Variants in WFDC1 observed in about 807,000 individuals in gnomAD.
WFDC1 encodes the protein WAP four-disulfide core domain 1.
In WFDC1, 39 loss-of-function variants were observed where a neutral mutation model predicts 32.9. That is an observed-to-expected ratio of 1.19 (90% confidence interval 0.92 to 1.55). WFDC1 has a LOEUF of 1.55. WFDC1 is among the 40% of genes most tolerant of loss of function. The pLI is 0.00. For missense variants in WFDC1, 386 were observed against 309.5 expected, an observed-to-expected ratio of 1.25 and a Z score of -1.85; for synonymous variants, 184 against 137.4, an observed-to-expected ratio of 1.34 and a Z score of -2.37.
chr16:84,310,081 C>T (rs1319017126), intron 1 of WFDC1, among the ~76,000 whole-genome samples: 2 of 151,980 alleles, frequency 1.3e-5, no homozygotes, highest in African/African-American at 2.4e-5. Context: ...ACTGTATGTG[C>T]AGGAGGAGAC....
chr16:84,299,884 C>A (rs912520077), intron 1 of WFDC1, among the ~76,000 whole-genome samples: 15 of 152,032 alleles, frequency 9.9e-5, no homozygotes, highest in African/African-American at 3.6e-4. Context: ...TGCATCCTGC[C>A]AGACGGGGGG....
At position 84,295,094 on chromosome 16, in the gene WFDC1, G is replaced by T. The variant is rs570586050; in HGVS notation, c.123G>T (p.Ala41=). The T allele has an allele frequency of 1.2e-6, 2 of 1,614,084 alleles. No homozygotes were observed. Among genetic ancestry groups the T allele is most frequent in the Non-Finnish European group, 1.7e-6 (2 of 1,179,966 alleles). The change falls in exon 1 of 7, where the codon GCG becomes GCT. Residue 41 remains alanine, a synonymous_variant. Transcript: ENST00000219454. ...AKNIWKRALP[A]RLAEKSRAEE... ...ATATCTGGAAACGGGCATTGCCTGC[G>T]AGGCTGGCCGAGAAATCCCGTGTAA...
chr16:84,319,325 A>G, intron 3 of WFDC1, 106 bp from the exon 4 acceptor site: 1 of 1,470,358 alleles, frequency 6.8e-7, no homozygotes, highest in Non-Finnish European at 9.1e-7. Context: ...TCTCTGGGTG[A>G]GGTGCGTTCC....
chr16:84,299,783 A>C (rs1304585878), intron 1 of WFDC1, among the ~76,000 whole-genome samples: 1 of 152,200 alleles, frequency 6.6e-6, no homozygotes, highest in Non-Finnish European at 1.5e-5. Flanking sequence ...ATGGTGGTTC[A>C]GTTTGCACCC....
At chr16:84,319,706 T>C (rs1908193844) in intron 4 of WFDC1, 135 bp downstream of exon 4, 7 of 1,179,516 alleles carry the variant, frequency 5.9e-6, no homozygotes, top group African/African-American at 1.5e-5. Context: ...GCTCCTCACA[T>C]CTTCCCCCTG....
At chr16:84,317,823 A>G (rs1266455726) in intron 2 of WFDC1, 1 of 177,808 alleles carries the variant, frequency 5.6e-6, no homozygotes, top group East Asian at 1.3e-4. Context: ...TAGTGCAGAG[A>G]CAGACATTTG....
In WFDC1 at chr16:84,318,163, C is replaced by T; in HGVS notation, c.338-109C>T. On this transcript the variant is annotated intron_variant, in intron 2 of 6. Transcript: ENST00000219454. ...GTGCCAGGAACCATAGTTATTTCTCCCATGGGGAGCCTCTGTGCTGTCATG... is the reference window on the plus strand; with the variant it reads ...GTGCCAGGAACCATAGTTATTTCTCTCATGGGGAGCCTCTGTGCTGTCATG... The T allele has an allele frequency of 6.3e-6, 6 of 948,972 alleles. No homozygotes were observed. The South Asian group carries it at 6.9e-5, about 11-fold the overall frequency. The allele number at this position is 948,972 out of a possible 1,614,324, so 58.8% of individuals were successfully genotyped here. A position where few individuals can be genotyped will look rare whatever the true frequency, so the allele number is the denominator to read the frequency against.
At chr16:84,307,578 A>C (rs1907338815) in intron 1 of WFDC1, among the ~76,000 whole-genome samples, 1 of 152,182 alleles carries the variant, frequency 6.6e-6, no homozygotes, top group South Asian at 2.1e-4. Context: ...ACTGCCATTA[A>C]GGAAGTCCCA....
intron 1 of WFDC1, among the ~76,000 whole-genome samples, chr16:84,311,040 C>CTG (rs1458724550): frequency 3.9e-5 from 6 of 152,044 alleles, no homozygotes; most frequent in African/African-American, 9.7e-5. Context: ...GTATCTAACT[C>CTG]TGTGTGTGTG....
chr16:84,304,165 G>A (rs1019555780), intron 1 of WFDC1, among the ~76,000 whole-genome samples: 1 of 152,154 alleles, frequency 6.6e-6, no homozygotes, highest in African/African-American at 2.4e-5. Context: ...CCCAAAATGG[G>A]CATTTCCCCA....
intron 1 of WFDC1, among the ~76,000 whole-genome samples, chr16:84,298,960 C>T (rs1489089513): frequency 3.3e-5 from 5 of 152,192 alleles, no homozygotes; most frequent in Admixed American, 1.3e-4. Context: ...CACAGTAGTG[C>T]CTGCTTTGCA....
rs545539062 is a variant in WFDC1 at position 84,312,594 on chromosome 16, A to G, written c.145-367A>G. Among the ~76,000 whole-genome samples, 345 of 152,236 alleles carry G rather than the reference A, an allele frequency of 2.3e-3. 4 individuals are homozygous for G. The highest frequency in any genetic ancestry group is 4.1e-3 in the Non-Finnish European group (282 of 68,032). The stretch of plus-strand genomic sequence containing the variant: ...TACATATAGACATATGTGTGTACGT[A>G]TATGTATACATGCAGACATATATGT... On this transcript the variant is annotated intron_variant, in intron 1 of 6. Transcript: ENST00000219454.
intron 4 of WFDC1, among the ~76,000 whole-genome samples, chr16:84,324,193 G>C (rs562098644): frequency 5.3e-5 from 8 of 152,106 alleles, no homozygotes; most frequent in Non-Finnish European, 1.0e-4. Flanking sequence ...AGATGTTAAG[G>C]AGATCTCACA....
chr16:84,304,157 C>T (rs889861536), intron 1 of WFDC1, among the ~76,000 whole-genome samples: 1 of 152,184 alleles, frequency 6.6e-6, no homozygotes, highest in Admixed American at 6.5e-5. Context: ...TGCTGCAGCC[C>T]AAAATGGGCA....
chr16:84,329,639 T>G lies in WFDC1; in HGVS notation c.*333T>G, dbSNP rs1908807358. The G allele has an allele frequency of 6.6e-6, 1 of 152,160 alleles. No homozygotes were observed. Among genetic ancestry groups the G allele is most frequent in the Non-Finnish European group, 1.5e-5 (1 of 68,028 alleles). The allele number at this position is 152,160 out of a possible 1,614,324, so 9.4% of individuals were successfully genotyped here. A position where few individuals can be genotyped will look rare whatever the true frequency, so the allele number is the denominator to read the frequency against. ...CTTTCTAAGACAAGGCTCAGCATCT[T>G]GATATTTTTGACAGATTCCTCCCAA... On this transcript the variant is annotated 3_prime_UTR_variant, in exon 7 of 7. Coordinates refer to ENST00000219454, the MANE Select transcript of WFDC1 (RefSeq NM_021197.4).
In WFDC1 at chr16:84,310,559, C is replaced by G. The variant is rs576853846; in HGVS notation, c.145-2402C>G. ...AAGGGTGTACAATAGAAAGAAATCT[C>G]TCTCAGCTTTACACCCTATTCTTCT... On this transcript the variant is annotated intron_variant, in intron 1 of 6. Coordinates refer to ENST00000219454, the MANE Select transcript of WFDC1 (RefSeq NM_021197.4). 1.8e-4 allele frequency among the ~76,000 whole-genome samples: 27 copies of G among 152,278 alleles called. No homozygotes were observed. The South Asian group carries it at 5.0e-3, about 28-fold the overall frequency.
At chr16:84,315,109 T>C (rs542248781) in intron 2 of WFDC1, among the ~76,000 whole-genome samples, 1 of 152,356 alleles carries the variant, frequency 6.6e-6, no homozygotes, top group East Asian at 1.9e-4. Flanking sequence ...GCCGTGAGTG[T>C]GGGAATGTGG....
Position 84,318,270 on chromosome 16 carries a change from A to G in WFDC1, c.338-2A>G. 1 of 1,614,030 alleles carries G rather than the reference A, an allele frequency of 6.2e-7. No homozygotes were observed. The highest frequency in any genetic ancestry group is 1.1e-5 in the South Asian group (1 of 91,086). ...CCCTGATCTGACCCCGTATTGTGTT[A>G]GTCTTAGACTGGCTGGTGCAGCCGA... is the stretch of plus-strand genomic sequence containing the variant. On this transcript the variant is annotated splice_acceptor_variant, in intron 2 of 6. Coordinates refer to ENST00000219454, the MANE Select transcript of WFDC1 (RefSeq NM_021197.4). LOFTEE classifies it high-confidence loss of function.
intron 2 of WFDC1, among the ~76,000 whole-genome samples, chr16:84,314,036 T>C (rs1907805892): frequency 1.1e-5 from 1 of 94,724 alleles, no homozygotes; most frequent in Non-Finnish European, 2.1e-5. Flanking sequence ...AGTGAGACTC[T>C]GTCTCAAAAA....
Sources: gnomAD v4.1 joint callset for allele counts (sites outside exome capture counted in the v4.1 genomes callset) on GRCh38, gnomAD v4.1.1 for gene constraint, MANE v1.5 for transcripts, NCBI Gene and HGNC (gene_info 2026-07-23, HGNC 2026-07-21) for gene names.